FHOD3: variants seen among roughly 807,000 people sequenced by gnomAD.
FHOD3 encodes the protein FH1/FH2 domain-containing protein 3.
In FHOD3, 90 loss-of-function variants were observed where a neutral mutation model predicts 173.0. That is an observed-to-expected ratio of 0.52 (90% CI 0.44 to 0.62). The LOEUF (loss-of-function observed/expected upper bound fraction) is 0.62, where lower values mean the gene tolerates loss of function less well. Ranked by LOEUF, FHOD3 falls within the 20% of genes least tolerant of loss-of-function variation. The pLI, the probability that FHOD3 is intolerant of heterozygous loss-of-function variation, is 0.00. For synonymous variants in FHOD3, 828 were observed against 823.0 expected (o/e 1.01, Z -0.10); for missense variants, 1,945 against 2,034.7 (o/e 0.96, Z 0.85).
At chr18:36,535,262 C>A (rs1265417660) in intron 5 of FHOD3, among the ~76,000 whole-genome samples, 1 of 152,162 alleles carries the variant, frequency 6.6e-6, no homozygotes, top group African/African-American at 2.4e-5. Context: ...AGTGTCATCC[C>A]AGATTGGAAG....
intron 5 of FHOD3, among the ~76,000 whole-genome samples, chr18:36,554,299 A>G (rs1418633253): frequency 6.6e-6 from 1 of 152,192 alleles, no homozygotes; most frequent in Admixed American, 6.5e-5. Flanking sequence ...ATGGAATACT[A>G]TGTAGCATAA....
At position 36,373,175 on chromosome 18, in the gene FHOD3, G is replaced by A. The variant is rs74838143; in HGVS notation, c.337+431G>A. On this transcript the variant is annotated intron_variant, in intron 3 of 28. Coordinates refer to ENST00000590592, the MANE Select transcript of FHOD3 (RefSeq NM_001281740.3). ...GTCAGTGCAGGATGAGGGTACGTGT[G>A]GATACAGGGCAAGATGCTCTTAAGC... is the stretch of plus-strand genomic sequence containing the variant. Among the ~76,000 whole-genome samples, 1,447 of 152,278 alleles carry A rather than the reference G, an allele frequency of 9.5e-3. 10 individuals carry two copies. Among genetic ancestry groups the A allele is most frequent in the Non-Finnish European group, 0.015 (1,033 of 68,018 alleles).
chr18:36,580,117 T>C (rs566199543), intron 6 of FHOD3, among the ~76,000 whole-genome samples: 2 of 152,296 alleles, frequency 1.3e-5, no homozygotes, highest in East Asian at 1.9e-4. Flanking sequence ...GGAAAAATTA[T>C]AAAATTAAAA....
Position 36,625,575 on chromosome 18 carries a change from G to A in FHOD3, c.1022G>A (p.Arg341Gln), listed in dbSNP as rs779383407. 53 of 1,542,454 alleles carry A rather than the reference G, an allele frequency of 3.4e-5. No homozygotes were observed. The highest frequency in any genetic ancestry group is 2.9e-4 in the East Asian group (12 of 41,270). ...TEPPPSGCRD[R>Q]RRASVCSSGG... Reference sequence around the variant, plus strand: ...CCACCCCCCAGTGGGTGCCGGGACCGGAGGAGGGCCAGCGTGTGTTCCAGT... The same window carrying A: ...CCACCCCCCAGTGGGTGCCGGGACCAGAGGAGGGCCAGCGTGTGTTCCAGT... Residue 341 changes from arginine to glutamine, a missense_variant, in exon 10 of 29, where the codon CGG becomes CAG. Around this residue, in one of 5 missense-constraint regions of FHOD3, gnomAD observed 1,099 missense variants for 1,051.2 expected, o/e 1.05. Transcript: ENST00000590592.
intron 10 of FHOD3, among the ~76,000 whole-genome samples, chr18:36,642,955 T>TA (rs1385029665): frequency 6.6e-6 from 1 of 152,066 alleles, no homozygotes; most frequent in Non-Finnish European, 1.5e-5. Context: ...ATTACACACA[T>TA]ATGACACATT....
At chr18:36,451,964 CT>C (rs1193937663) in intron 3 of FHOD3, among the ~76,000 whole-genome samples, 1 of 151,894 alleles carries the variant, frequency 6.6e-6, no homozygotes, top group Admixed American at 6.5e-5. Flanking sequence ...CATGTGGCTC[CT>C]TTTTTTCAAA....
rs147931255 is a variant in FHOD3 at position 36,518,498 on chromosome 18, C to G, written c.511+5955C>G. The stretch of plus-strand genomic sequence containing the variant: ...TGGAGTCCTTCCTCATTTGATGTCT[C>G]TCCTCTTGCTGAGTGGTACAACAGG... On this transcript the variant is annotated intron_variant, in intron 5 of 28. Transcript: ENST00000590592. 8.6e-3 allele frequency among the ~76,000 whole-genome samples: 1,310 copies of G among 152,280 alleles called. 38 individuals carry two copies. Among genetic ancestry groups the G allele is most frequent in the Admixed American group, 0.052 (797 of 15,290 alleles).
At chr18:36,688,142 T>C (rs549622667) in intron 16 of FHOD3, among the ~76,000 whole-genome samples, 169 of 152,334 alleles carry the variant, frequency 1.1e-3, no homozygotes, top group Admixed American at 2.5e-3. Flanking sequence ...CAGTGGAAAC[T>C]GGTTTTACAA....
At position 36,718,559 on chromosome 18, in the gene FHOD3, T is replaced by C. The variant is rs2040590990; in HGVS notation, c.3261T>C (p.Arg1087=). The change falls in exon 19 of 29, where the codon CGT becomes CGC. Residue 1087 remains arginine, a synonymous_variant. Transcript: ENST00000590592. ...PTFTKKKKTI[R]LFWNEVRPFD... ...TCACTAAGAAAAAGAAGACCATCCG[T>C]TTGTTCTGGAATGAAGTTCGGCCTT... 6.2e-7 allele frequency: 1 copy of C among 1,614,062 alleles called. No homozygotes were observed. Among genetic ancestry groups the C allele is most frequent in the East Asian group, 2.2e-5 (1 of 44,870 alleles).
At chr18:36,465,060 G>A (rs574334007) in intron 3 of FHOD3, among the ~76,000 whole-genome samples, 1 of 152,326 alleles carries the variant, frequency 6.6e-6, no homozygotes, top group African/African-American at 2.4e-5. Flanking sequence ...GGGCGCTGTG[G>A]CTCACGCCTG....
At chr18:36,424,999 G>A (rs1337270865) in intron 3 of FHOD3, among the ~76,000 whole-genome samples, 1 of 152,128 alleles carries the variant, frequency 6.6e-6, no homozygotes, top group Non-Finnish European at 1.5e-5. Context: ...GACTAGTAAT[G>A]CTGGCAATTC....
rs2036189042 is a variant in FHOD3, at chr18:36,653,272, GAAGA to G, written c.1647-68_1647-65del. 2.7e-5 allele frequency: 34 copies of G among 1,241,304 alleles called. No individual in the cohort carries two copies. The South Asian group carries it at 4.5e-4, about 16-fold the overall frequency. 76.9% of individuals were successfully genotyped at this position (1,241,304 alleles called of 1,614,324 possible). On this transcript the variant is annotated intron_variant, in intron 12 of 28. Transcript: ENST00000590592. Reference sequence around the variant, plus strand: ...GGTGGCATGAAGTCTTTTTGACGCTGAAGAATGTATCAAAGTCCTTTGCTATCTT... The same window carrying G: ...GGTGGCATGAAGTCTTTTTGACGCTGATGTATCAAAGTCCTTTGCTATCTT...
intron 24 of FHOD3, among the ~76,000 whole-genome samples, chr18:36,748,377 CACACA>C (rs1212192680): frequency 2.1e-4 from 26 of 121,662 alleles, no homozygotes; most frequent in Non-Finnish European, 3.4e-4. Context: ...CACACACACA[CACACA>C]ACACACACAC....
intron 19 of FHOD3, among the ~76,000 whole-genome samples, chr18:36,730,101 G>A (rs1413999845): frequency 6.6e-6 from 1 of 152,192 alleles, no homozygotes; most frequent in Non-Finnish European, 1.5e-5. Context: ...AGGTGGAGGT[G>A]CTCTGGTATA....
Position 36,694,883 on chromosome 18 carries a change from A to C in FHOD3, c.2236+1460A>C, listed in dbSNP as rs115212315. On this transcript the variant is annotated intron_variant, in intron 17 of 28. Coordinates refer to ENST00000590592, the MANE Select transcript of FHOD3 (RefSeq NM_001281740.3). ...AGATAATTTCTTACGTATTTGATTG[A>C]ATTACAGTTTAACTCGAGACCATTC... Among the ~76,000 whole-genome samples the C allele has an allele frequency of 4.2e-3, 639 of 152,308 alleles. 8 individuals are homozygous for C. The highest frequency in any genetic ancestry group is 0.015 in the African/African-American group (604 of 41,568).
intron 3 of FHOD3, among the ~76,000 whole-genome samples, chr18:36,452,642 G>A (rs1218720524): frequency 6.6e-6 from 1 of 152,050 alleles, no homozygotes; most frequent in African/African-American, 2.4e-5. Flanking sequence ...TCTGCTCTCT[G>A]CTTCTCGGAG....
At chr18:36,673,330 C>T (rs187304945) in intron 14 of FHOD3, among the ~76,000 whole-genome samples, 89 of 152,298 alleles carry the variant, frequency 5.8e-4, no homozygotes, top group Non-Finnish European at 1.0e-3. Flanking sequence ...AACAAATGAA[C>T]TGTTTATTTC....
rs116988060 is a variant in FHOD3, at chr18:36,500,391, A to T, written c.338-1541A>T. ...ACCAGCATATCCTTTCTGTCACTAG[A>T]CTTCTGCAAACTCTTCTGGGGCCAT... is the stretch of plus-strand genomic sequence containing the variant. On this transcript the variant is annotated intron_variant, in intron 3 of 28. Coordinates refer to ENST00000590592, the MANE Select transcript of FHOD3 (RefSeq NM_001281740.3). 4.2e-3 allele frequency among the ~76,000 whole-genome samples: 637 copies of T among 152,162 alleles called. 5 individuals are homozygous for T. Among genetic ancestry groups the T allele is most frequent in the South Asian group, 6.0e-3 (29 of 4,804 alleles).
intron 10 of FHOD3, among the ~76,000 whole-genome samples, chr18:36,631,122 A>C (rs1568521174): frequency 6.6e-6 from 1 of 152,170 alleles, no homozygotes; most frequent in Non-Finnish European, 1.5e-5. Context: ...AGCTGCAGGG[A>C]GAAGTCTGGC....
Sources: gnomAD v4.1 joint callset for allele counts (sites outside exome capture counted in the v4.1 genomes callset) on GRCh38, gnomAD v4.1.1 for gene constraint, gnomAD v4.1.1 regional missense constraint, MANE v1.5 for transcripts, NCBI Gene and HGNC (gene_info 2026-07-23, HGNC 2026-07-21) for gene names.